The following DMD variants were observed in gnomAD, a reference collection of about 807,000 sequenced individuals.
DMD encodes mutant dystrophin.
DMD carries 63 observed loss-of-function variants against 330.1 expected under a neutral mutation model. That is an observed-to-expected ratio of 0.19 (90% CI 0.16 to 0.24). DMD has a LOEUF of 0.24. Among genes scored for constraint, DMD ranks in the 10% least tolerant of loss-of-function variants. The pLI is 1.00. For synonymous variants in DMD, 1,223 were observed against 959.8 expected, an observed-to-expected ratio of 1.27 and a Z score of -5.07; for missense variants, 3,344 against 2,684.1, an observed-to-expected ratio of 1.25 and a Z score of -5.43.
At chrX:32,603,141 A>T (rs114362355) in intron 12 of DMD, among the ~76,000 whole-genome samples, 1,612 of 111,021 alleles carry the variant, frequency 0.015, 34 homozygotes, top group African/African-American at 0.05. Flanking sequence ...ACACATTTTT[A>T]AAAAAATCAA....
At chrX:32,225,575 C>T (rs1326142517) in intron 43 of DMD, among the ~76,000 whole-genome samples, 1 of 111,233 alleles carries the variant, frequency 9.0e-6, no homozygotes, top group Non-Finnish European at 1.9e-5. Flanking sequence ...AATTGTAATC[C>T]CCAATGTTGG....
chrX:33,219,215 A>AAGAT, intron 1 of DMD, among the ~76,000 whole-genome samples: 1 of 108,309 alleles, frequency 9.2e-6, no homozygotes. Flanking sequence ...GTTCTGGTGG[A>AAGAT]AGATAGAGGT....
intron 44 of DMD, among the ~76,000 whole-genome samples, chrX:32,136,331 C>A (rs768202651): frequency 8.9e-6 from 1 of 112,271 alleles, no homozygotes; most frequent in African/African-American, 3.2e-5. Context: ...GCCCCCTGGG[C>A]AAAGAAAAAC....
chrX:31,742,698 A>G (rs746222456), intron 51 of DMD, among the ~76,000 whole-genome samples: 3 of 112,242 alleles, frequency 2.7e-5, no homozygotes, highest in Non-Finnish European at 3.8e-5. Flanking sequence ...AATTAACTCA[A>G]GATGGAATAA....
chrX:31,178,869 C>T, intron 69 of DMD, 64 bp from the exon 70 acceptor site: 2 of 1,138,391 alleles, frequency 1.8e-6, no homozygotes, highest in Non-Finnish European at 2.4e-6. Flanking sequence ...AATGACCACT[C>T]CAGTCTTCTG....
At chrX:32,895,654 A>G (rs1280744022) in intron 2 of DMD, among the ~76,000 whole-genome samples, 1 of 111,939 alleles carries the variant, frequency 8.9e-6, no homozygotes, top group Non-Finnish European at 1.9e-5. Flanking sequence ...GGAATAATCC[A>G]GGTGTATATA....
chrX:33,091,870 C>G (rs1471263299), intron 1 of DMD, among the ~76,000 whole-genome samples: 4 of 111,851 alleles, frequency 3.6e-5, no homozygotes, highest in Non-Finnish European at 7.5e-5. Context: ...TTGGTTCACC[C>G]TTTACATTTT....
intron 55 of DMD, among the ~76,000 whole-genome samples, chrX:31,549,323 C>T (rs1163334760): frequency 9.1e-6 from 1 of 109,435 alleles, no homozygotes; most frequent in Non-Finnish European, 1.9e-5. Context: ...GAACAACTAC[C>T]CTGAAAAAAA....
intron 55 of DMD, chrX:31,508,397 A>C: frequency 1.9e-6 from 1 of 520,640 alleles, no homozygotes; most frequent in Non-Finnish European, 3.0e-6. Context: ...ATAATAATAA[A>C]CGGCCACTTT....
intron 1 of DMD, among the ~76,000 whole-genome samples, chrX:33,337,300 A>G (rs2054269213): frequency 1.8e-5 from 2 of 111,447 alleles, no homozygotes. Context: ...AACGGTTATA[A>G]AAAGTTGAAA....
intron 63 of DMD, among the ~76,000 whole-genome samples, chrX:31,228,000 C>T (rs1218985741): frequency 6.6e-5 from 7 of 106,011 alleles, no homozygotes; most frequent in Non-Finnish European, 1.4e-4. Context: ...AGTAAACTAT[C>T]GCAAGAACAA....
intron 9 of DMD, among the ~76,000 whole-genome samples, chrX:32,676,796 T>A (rs2062001640): frequency 9.0e-6 from 1 of 111,449 alleles, no homozygotes; most frequent in African/African-American, 3.2e-5. Context: ...TGATTATATA[T>A]CTTAATGTAG....
At chrX:31,375,060 G>C (rs1303811328) in intron 60 of DMD, among the ~76,000 whole-genome samples, 1 of 111,519 alleles carries the variant, frequency 9.0e-6, no homozygotes, top group African/African-American at 3.3e-5. Flanking sequence ...GGCTGATGCA[G>C]GGATTAACTC....
At chrX:32,699,413 G>A in intron 7 of DMD, 120 bp from the exon 8 acceptor site, 2 of 608,462 alleles carry the variant, frequency 3.3e-6, no homozygotes, top group Non-Finnish European at 5.4e-6. Flanking sequence ...AATTGTCCAT[G>A]AATGTCCTCC....
At chrX:32,412,049 G>A (rs72468649) in intron 29 of DMD, 136 bp from the exon 30 acceptor site, 70 of 1,189,633 alleles carry the variant, frequency 5.9e-5, no homozygotes, top group Non-Finnish European at 7.6e-5. Context: ...GCAGCTTCCT[G>A]GCACTCATTC....
intron 45 of DMD, among the ~76,000 whole-genome samples, chrX:31,965,408 G>C (rs973495045): frequency 5.4e-5 from 6 of 111,630 alleles, no homozygotes; most frequent in African/African-American, 2.0e-4. Flanking sequence ...TTTTGAAGTA[G>C]TGATAAGCAT....
chrX:32,555,222 A>G (rs1304558465), intron 16 of DMD, among the ~76,000 whole-genome samples: 1 of 111,795 alleles, frequency 8.9e-6, no homozygotes, highest in Non-Finnish European at 1.9e-5. Flanking sequence ...CTCAATAGAC[A>G]ACCAAAAGGT....
chrX:33,197,479 C>T (rs934568221), intron 1 of DMD, among the ~76,000 whole-genome samples: 4 of 110,656 alleles, frequency 3.6e-5, no homozygotes, highest in Admixed American at 2.9e-4. Context: ...AAGCTCTATT[C>T]GACATTATCA....
intron 4 of DMD, among the ~76,000 whole-genome samples, chrX:32,841,885 A>G (rs1306501033): frequency 8.9e-6 from 1 of 112,079 alleles, no homozygotes; most frequent in African/African-American, 3.2e-5. Flanking sequence ...CATTGAAGTG[A>G]GTAAAAAGGT....
Sources: gnomAD v4.1 joint callset for allele counts (sites outside exome capture counted in the v4.1 genomes callset) on GRCh38, gnomAD v4.1.1 for gene constraint, MANE v1.5 for transcripts, NCBI Gene and HGNC (gene_info 2026-07-23, HGNC 2026-07-21) for gene names.